ADAMTS16: variants seen among roughly 807,000 people sequenced by gnomAD.
ADAMTS16 encodes the protein A disintegrin and metalloproteinase with thrombospondin motifs 16.
ADAMTS16 carries 94 observed loss-of-function variants against 145.8 expected under a neutral mutation model. That is an observed-to-expected ratio of 0.64 (90% CI 0.55 to 0.77). The LOEUF (loss-of-function observed/expected upper bound fraction) is 0.77, where lower values mean the gene tolerates loss of function less well. Among genes scored for constraint, ADAMTS16 ranks in the 30% least tolerant of loss-of-function variants. ADAMTS16 has a pLI of 0.00. For synonymous variants in ADAMTS16, 659 were observed against 604.3 expected (o/e 1.09, Z -1.33); for missense variants, 1,585 against 1,591.5 (o/e 1.00, Z 0.07).
At position 5,161,714 on chromosome 5, in the gene ADAMTS16, C is replaced by A. The variant is rs1275877696; in HGVS notation, c.501+15259C>A. ...TTCACATTAATACCATTCTTGTAGCCCACATTCACAGCCCTTACCTAGAAG... is the reference window on the plus strand; with the variant it reads ...TTCACATTAATACCATTCTTGTAGCACACATTCACAGCCCTTACCTAGAAG... On this transcript the variant is annotated intron_variant, in intron 3 of 22. Transcript: ENST00000274181. 2.0e-5 allele frequency among the ~76,000 whole-genome samples: 3 copies of A among 152,162 alleles called. No individual in the cohort carries two copies. In the South Asian group the frequency reaches 6.2e-4, roughly 32 times the overall value.
intron 18 of ADAMTS16, among the ~76,000 whole-genome samples, chr5:5,283,482 C>G (rs539052601): frequency 1.3e-5 from 2 of 152,128 alleles, no homozygotes; most frequent in East Asian, 3.8e-4. Context: ...ACCTCCCCCC[C>G]AGAAAGCCCA....
intron 11 of ADAMTS16, among the ~76,000 whole-genome samples, chr5:5,231,069 C>G (rs993164815): frequency 1.3e-5 from 2 of 152,160 alleles, no homozygotes; most frequent in Non-Finnish European, 2.9e-5. Context: ...CTCTGACAAC[C>G]GGTGCAACCT....
intron 17 of ADAMTS16, among the ~76,000 whole-genome samples, chr5:5,261,489 C>T (rs1560974542): frequency 1.9e-5 from 2 of 105,510 alleles, no homozygotes; most frequent in African/African-American, 7.0e-5. Context: ...GTTATAGCCT[C>T]TTTTTTTTTT....
chr5:5,303,063 A>T, intron 18 of ADAMTS16, among the ~76,000 whole-genome samples: 1 of 152,208 alleles, frequency 6.6e-6, no homozygotes, highest in East Asian at 1.9e-4. Flanking sequence ...ATGACAGAGC[A>T]TGAATCAGGA....
At chr5:5,221,391 G>T (rs149204472) in intron 10 of ADAMTS16, among the ~76,000 whole-genome samples, 53 of 152,252 alleles carry the variant, frequency 3.5e-4, no homozygotes, top group African/African-American at 7.9e-4. Context: ...AGCCATAGGA[G>T]CATCACTGTT....
chr5:5,307,702 AG>A (rs1740237601), intron 21 of ADAMTS16, among the ~76,000 whole-genome samples: 1 of 152,176 alleles, frequency 6.6e-6, no homozygotes, highest in Non-Finnish European at 1.5e-5. Context: ...TAGCCCTCTA[AG>A]GGGGTAACCT....
At chr5:5,246,868 G>A (rs1737459010) in intron 17 of ADAMTS16, among the ~76,000 whole-genome samples, 1 of 152,142 alleles carries the variant, frequency 6.6e-6, no homozygotes, top group Non-Finnish European at 1.5e-5. Flanking sequence ...TTGCAGTCTG[G>A]AGCAAGGAGT....
chr5:5,207,718 T>C (rs1736166731), intron 9 of ADAMTS16, among the ~76,000 whole-genome samples: 1 of 152,042 alleles, frequency 6.6e-6, no homozygotes, highest in South Asian at 2.1e-4. Context: ...GGGATTTTTT[T>C]TTTTTTATCA....
chr5:5,260,961 G>A (rs558691411), intron 17 of ADAMTS16, among the ~76,000 whole-genome samples: 3 of 152,208 alleles, frequency 2.0e-5, no homozygotes, highest in African/African-American at 7.2e-5. Context: ...TGAGTTGTCC[G>A]AGTCCATCTG....
At chr5:5,191,481 CAG>C (rs1212115693) in intron 7 of ADAMTS16, among the ~76,000 whole-genome samples, 4 of 152,104 alleles carry the variant, frequency 2.6e-5, no homozygotes, top group African/African-American at 7.2e-5. Context: ...TTCCACAATA[CAG>C]AGAGTCCTTG....
intron 18 of ADAMTS16, among the ~76,000 whole-genome samples, chr5:5,284,208 T>G (rs960630490): frequency 6.6e-6 from 1 of 152,202 alleles, no homozygotes; most frequent in Non-Finnish European, 1.5e-5. Flanking sequence ...ATGTTACAAA[T>G]TAAACTAAAG....
At chr5:5,272,466 A>G (rs1350350813) in intron 18 of ADAMTS16, among the ~76,000 whole-genome samples, 1 of 141,444 alleles carries the variant, frequency 7.1e-6, no homozygotes, top group East Asian at 2.1e-4. Flanking sequence ...AGTTCACACC[A>G]TTCTCCTGCC....
At chr5:5,142,696 G>T (rs560140208) in intron 2 of ADAMTS16, among the ~76,000 whole-genome samples, 1 of 152,036 alleles carries the variant, frequency 6.6e-6, no homozygotes, top group South Asian at 2.1e-4. Flanking sequence ...TTAAAGTAGC[G>T]CATGACTCAA....
intron 17 of ADAMTS16, among the ~76,000 whole-genome samples, chr5:5,244,677 G>T (rs911555393): frequency 6.6e-6 from 1 of 152,198 alleles, no homozygotes; most frequent in Non-Finnish European, 1.5e-5. Flanking sequence ...GCACATTACT[G>T]ATGTTCACAT....
chr5:5,142,061 T>G (rs1263278614), intron 2 of ADAMTS16: 2 of 99,254 alleles, frequency 2.0e-5, no homozygotes, highest in African/African-American at 6.7e-5. Flanking sequence ...GTAAGATTTT[T>G]GTAAAAAAAA....
At chr5:5,290,805 T>C (rs999152883) in intron 18 of ADAMTS16, among the ~76,000 whole-genome samples, 3 of 152,342 alleles carry the variant, frequency 2.0e-5, no homozygotes, top group Middle Eastern at 3.4e-3. Context: ...GGCAGTCTTT[T>C]CTTTCCCCTT....
chr5:5,266,650 G>A (rs2126441687), intron 18 of ADAMTS16, among the ~76,000 whole-genome samples: 1 of 152,324 alleles, frequency 6.6e-6, no homozygotes, highest in East Asian at 1.9e-4. Flanking sequence ...CTCACTGCAA[G>A]AGGAAACCTG....
At chr5:5,147,079 C>A (rs1817433) in intron 3 of ADAMTS16, among the ~76,000 whole-genome samples, 3 of 152,306 alleles carry the variant, frequency 2.0e-5, no homozygotes, top group South Asian at 2.1e-4. Context: ...ACGCTAGAGC[C>A]GGGGGCTTAT....
chr5:5,262,869 A>C (rs1169614269), intron 18 of ADAMTS16, 86 bp downstream of exon 18: 7 of 1,555,068 alleles, frequency 4.5e-6, no homozygotes, highest in Non-Finnish European at 4.4e-6. Flanking sequence ...TCGAGAGAGA[A>C]GTGCTGATTG....
Sources: allele counts gnomAD v4.1 joint callset (sites outside exome capture counted in the v4.1 genomes callset), GRCh38; gene constraint gnomAD v4.1.1; transcripts MANE v1.5; gene names NCBI Gene and HGNC (gene_info 2026-07-23, HGNC 2026-07-21).